PHTF2: variants seen among roughly 807,000 people sequenced by gnomAD.
PHTF2 encodes the protein putative homeodomain transcription factor 2, also known as protein PHTF2.
In PHTF2, 60 loss-of-function variants were observed where a neutral mutation model predicts 101.2. That is an observed-to-expected ratio of 0.59 (90% CI 0.48 to 0.73). The LOEUF is 0.73. PHTF2 is among the 30% of genes least tolerant of loss of function. PHTF2 has a pLI of 0.00. For synonymous variants in PHTF2, 311 were observed against 307.3 expected (o/e 1.01, Z -0.13); for missense variants, 747 against 908.7 (o/e 0.82, Z 2.29).
At chr7:77,848,119 C>G (rs117094652) in intron 2 of PHTF2, among the ~76,000 whole-genome samples, 269 of 152,312 alleles carry the variant, frequency 1.8e-3, no homozygotes, top group African/African-American at 5.9e-3. Context: ...TTGATGGACA[C>G]TTAGGTTGGT....
chr7:77,833,499 C>A (rs1290688586), intron 1 of PHTF2, among the ~76,000 whole-genome samples: 1 of 152,168 alleles, frequency 6.6e-6, no homozygotes, highest in African/African-American at 2.4e-5. Context: ...CAGTGGCTCA[C>A]ACCTGTAATC....
intron 1 of PHTF2, among the ~76,000 whole-genome samples, chr7:77,822,995 C>G (rs1204649985): frequency 1.3e-5 from 2 of 151,022 alleles, no homozygotes; most frequent in Non-Finnish European, 2.9e-5. Context: ...AGCTCCGCCT[C>G]CCGGGTTCAC....
chr7:77,923,112 T>A, intron 11 of PHTF2: 1 of 1,009,526 alleles, frequency 9.9e-7, no homozygotes, highest in Non-Finnish European at 1.2e-6. Flanking sequence ...CTTTATACAT[T>A]TGATCATAGC....
intron 2 of PHTF2, among the ~76,000 whole-genome samples, chr7:77,853,800 C>A (rs1003456925): frequency 1.3e-5 from 2 of 151,868 alleles, no homozygotes; most frequent in African/African-American, 4.8e-5. Context: ...TTATTTCAAT[C>A]TTATTGTTAA....
chr7:77,826,733 CAA>C (rs1194647640), intron 1 of PHTF2, among the ~76,000 whole-genome samples: 1 of 152,152 alleles, frequency 6.6e-6, no homozygotes, highest in Non-Finnish European at 1.5e-5. Context: ...GCACAATTTT[CAA>C]AGAGGATGAT....
At chr7:77,947,408 C>A (rs963027230) in intron 16 of PHTF2, among the ~76,000 whole-genome samples, 1 of 151,274 alleles carries the variant, frequency 6.6e-6, no homozygotes, top group Non-Finnish European at 1.5e-5. Flanking sequence ...CTGAAAAATA[C>A]AAAAATTAGC....
chr7:77,902,658 C>T (rs779759052), intron 7 of PHTF2, among the ~76,000 whole-genome samples: 4 of 151,832 alleles, frequency 2.6e-5, no homozygotes, highest in Non-Finnish European at 5.9e-5. Flanking sequence ...TATTCCATCA[C>T]GTGAACAAAG....
chr7:77,812,079 G>A (rs560943863), intron 1 of PHTF2, among the ~76,000 whole-genome samples: 72 of 152,252 alleles, frequency 4.7e-4, no homozygotes, highest in South Asian at 2.1e-3. Context: ...TGGATTCCAG[G>A]AATTACTTAG....
exon 20 of PHTF2, chr7:77,955,190 A>G (rs928947810): frequency 1.2e-4 from 22 of 183,174 alleles, no homozygotes; most frequent in African/African-American, 4.4e-4. Context: ...AATTGTGAAA[A>G]TAGAAGCCAT....
chr7:77,886,761 T>C (rs1429978192), intron 3 of PHTF2, among the ~76,000 whole-genome samples: 1 of 152,054 alleles, frequency 6.6e-6, no homozygotes, highest in Non-Finnish European at 1.5e-5. Context: ...AGTGATACAG[T>C]GGCTGGGCGC....
At chr7:77,854,713 T>C (rs2150641435) in intron 2 of PHTF2, 1 of 705,144 alleles carries the variant, frequency 1.4e-6, no homozygotes, top group African/African-American at 1.7e-5. Context: ...TGCACTCTTC[T>C]TTCTCCTTTG....
intron 3 of PHTF2, among the ~76,000 whole-genome samples, chr7:77,865,281 A>AGT (rs914449173): frequency 3.3e-5 from 5 of 151,654 alleles, no homozygotes; most frequent in African/African-American, 1.2e-4. Flanking sequence ...GCTGGAGTGC[A>AGT]GTGGCACGAT....
chr7:77,834,908 A>G (rs1795334792), intron 1 of PHTF2, among the ~76,000 whole-genome samples: 1 of 152,184 alleles, frequency 6.6e-6, no homozygotes, highest in South Asian at 2.1e-4. Flanking sequence ...TTACATTTCT[A>G]TTTAAATTAC....
At chr7:77,864,436 C>A (rs1156262318) in intron 3 of PHTF2, among the ~76,000 whole-genome samples, 1 of 152,182 alleles carries the variant, frequency 6.6e-6, no homozygotes, top group Non-Finnish European at 1.5e-5. Context: ...GGTATAAACT[C>A]TTTGCAAGGC....
chr7:77,915,993 G>A (rs1295901115), intron 9 of PHTF2, among the ~76,000 whole-genome samples: 1 of 151,848 alleles, frequency 6.6e-6, no homozygotes. Flanking sequence ...GTGTGTGTGT[G>A]TGTGTGTGTG....
At chr7:77,887,725 G>A (rs1429749396) in intron 3 of PHTF2, among the ~76,000 whole-genome samples, 2 of 152,150 alleles carry the variant, frequency 1.3e-5, no homozygotes, top group Non-Finnish European at 2.9e-5. Flanking sequence ...GTTTGTAGAT[G>A]ACAAAGTGCT....
At chr7:77,879,087 C>T (rs1799185052) in intron 3 of PHTF2, among the ~76,000 whole-genome samples, 1 of 152,160 alleles carries the variant, frequency 6.6e-6, no homozygotes, top group Non-Finnish European at 1.5e-5. Context: ...GCAACCATAT[C>T]CAGTGAGTTT....
At chr7:77,906,934 TAAAA>T (rs10694050) in intron 7 of PHTF2, among the ~76,000 whole-genome samples, 1 of 118,924 alleles carries the variant, frequency 8.4e-6, no homozygotes, top group Non-Finnish European at 1.7e-5. Context: ...TAATGGTAGC[TAAAA>T]AAAAAAAAAA....
At chr7:77,857,493 A>T (rs1190373375) in intron 3 of PHTF2, among the ~76,000 whole-genome samples, 1 of 152,254 alleles carries the variant, frequency 6.6e-6, no homozygotes, top group African/African-American at 2.4e-5. Flanking sequence ...AAAACATGGA[A>T]GGAGTATGTA....
Sources: allele counts gnomAD v4.1 joint callset (sites outside exome capture counted in the v4.1 genomes callset), GRCh38; gene constraint gnomAD v4.1.1; transcripts MANE v1.5; gene names NCBI Gene and HGNC (gene_info 2026-07-23, HGNC 2026-07-21).